GNAI1: variants seen among roughly 807,000 people sequenced by gnomAD.
GNAI1 encodes the protein guanine nucleotide-binding protein G(i) subunit alpha-1.
GNAI1 carries 11 observed loss-of-function variants against 38.9 expected under a neutral mutation model. The ratio of observed to expected loss-of-function variants is 0.28; its 90% confidence interval spans 0.18 to 0.47. The LOEUF (loss-of-function observed/expected upper bound fraction) is 0.47, where lower values mean the gene tolerates loss of function less well. GNAI1 is among the 20% of genes least tolerant of loss of function. The pLI is 0.99. For missense variants in GNAI1, 317 were observed against 436.9 expected (o/e 0.73, Z 2.45); for synonymous variants, 166 against 145.1 (o/e 1.14, Z -1.04).
In GNAI1 at chr7:80,134,992, C is replaced by T; in HGVS notation, c.-169C>T. 2.4e-6 allele frequency: 1 copy of T among 418,002 alleles called. No individual in the cohort carries two copies. The highest frequency in any genetic ancestry group is 4.2e-6 in the Non-Finnish European group (1 of 237,502). The allele number at this position is 418,002 out of a possible 1,614,324, so 25.9% of individuals were successfully genotyped here. ...GGAACAGCCGCCCGTTGCTGTCTGC[C>T]CCTTTGCGGACAGCGTCTCCCTCGA... On this transcript the variant is annotated 5_prime_UTR_variant, in exon 1 of 8. Transcript: ENST00000649796.
intron 1 of GNAI1, among the ~76,000 whole-genome samples, chr7:80,141,163 A>G (rs1001384506): frequency 6.6e-6 from 1 of 152,190 alleles, no homozygotes. Context: ...GGACATATTT[A>G]TCTTTGGGGA....
intron 3 of GNAI1, among the ~76,000 whole-genome samples, chr7:80,194,824 G>C (rs578086701): frequency 2.5e-4 from 38 of 151,998 alleles, no homozygotes; most frequent in African/African-American, 9.2e-4. Context: ...ACATATTGTA[G>C]GCTTTTAATA....
intron 1 of GNAI1, among the ~76,000 whole-genome samples, chr7:80,174,164 A>T (rs898273786): frequency 6.6e-6 from 1 of 152,224 alleles, no homozygotes; most frequent in Non-Finnish European, 1.5e-5. Flanking sequence ...TAAATCATAG[A>T]GATACCATTT....
chr7:80,207,830 A>G (rs879757285), intron 5 of GNAI1, among the ~76,000 whole-genome samples: 33 of 152,144 alleles, frequency 2.2e-4, no homozygotes, highest in Non-Finnish European at 4.1e-4. Flanking sequence ...TTAAGAATTC[A>G]TATTATCCCT....
rs71518978 is a variant in GNAI1, at chr7:80,221,636, CTTTTTT to C, written c.*4163_*4168del. Among the ~76,000 whole-genome samples, 44 of 94,360 alleles carry C rather than the reference CTTTTTT, an allele frequency of 4.7e-4. 1 individual carries two copies. Among genetic ancestry groups the C allele is most frequent in the East Asian group, 1.2e-3 (3 of 2,568 alleles). 61.9% of individuals were successfully genotyped at this position (94,360 alleles called of 152,430 possible). On this transcript the variant is annotated 3_prime_UTR_variant, in exon 8 of 8. Coordinates refer to ENST00000649796, the MANE Select transcript of GNAI1 (RefSeq NM_002069.6). ...ATTTTAATGTTAGGTTGGAAATTTT[CTTTTTT>C]TTTTTTTTTTTTTTTTTTTGGTATG...
At chr7:80,214,415 C>T (rs1584056974) in intron 7 of GNAI1, among the ~76,000 whole-genome samples, 2 of 152,134 alleles carry the variant, frequency 1.3e-5, no homozygotes, top group Non-Finnish European at 2.9e-5. Context: ...GTACCAGATT[C>T]CCCAAGTGAA....
rs1173469591 is a variant in GNAI1, at chr7:80,220,952, G to A, written c.*3459G>A. 6.6e-6 allele frequency among the ~76,000 whole-genome samples: 1 copy of A among 152,104 alleles called. No individual in the cohort carries two copies. Among genetic ancestry groups the A allele is most frequent in the Non-Finnish European group, 1.5e-5 (1 of 68,030 alleles). The stretch of plus-strand genomic sequence containing the variant: ...AGATACTTATTAATGTCTTTCATCA[G>A]AGCTATTTTTTACTCCTTAGATGTG... On this transcript the variant is annotated 3_prime_UTR_variant, in exon 8 of 8. Transcript: ENST00000649796.
chr7:80,177,491 G>A (rs1046021980), intron 1 of GNAI1, among the ~76,000 whole-genome samples: 1 of 152,130 alleles, frequency 6.6e-6, no homozygotes, highest in Non-Finnish European at 1.5e-5. Context: ...TGTTGTTGTT[G>A]CTGTTTTTAG....
rs950446646 is a variant in GNAI1 at position 80,222,239 on chromosome 7, C to T, written c.*4746C>T. On this transcript the variant is annotated 3_prime_UTR_variant, in exon 8 of 8. Transcript: ENST00000649796. ...TGATTAGGCCTCAACTGGAATAGTCCCACCATGTAATAAATCTTCCTGAGT... is the reference window on the plus strand; with the variant it reads ...TGATTAGGCCTCAACTGGAATAGTCTCACCATGTAATAAATCTTCCTGAGT... Among the ~76,000 whole-genome samples the T allele has an allele frequency of 3.9e-5, 6 of 152,040 alleles. No homozygotes were observed. The highest frequency in any genetic ancestry group is 7.4e-5 in the Non-Finnish European group (5 of 68,006).
chr7:80,191,094 T>G (rs1026816208), intron 3 of GNAI1, among the ~76,000 whole-genome samples: 2 of 152,118 alleles, frequency 1.3e-5, no homozygotes, highest in African/African-American at 4.8e-5. Flanking sequence ...CTTCCTGCCT[T>G]TAGACTATTA....
At chr7:80,147,908 T>G (rs2116090421) in intron 1 of GNAI1, among the ~76,000 whole-genome samples, 1 of 152,350 alleles carries the variant, frequency 6.6e-6, no homozygotes, top group Non-Finnish European at 1.5e-5. Flanking sequence ...ATGCCAGTTC[T>G]ATGGCCTGCA....
At chr7:80,145,485 C>G (rs1787603092) in intron 1 of GNAI1, among the ~76,000 whole-genome samples, 1 of 152,126 alleles carries the variant, frequency 6.6e-6, no homozygotes, top group South Asian at 2.1e-4. Flanking sequence ...GTGCTACTTA[C>G]ACATTTTCTA....
At chr7:80,147,642 C>G (rs551212703) in intron 1 of GNAI1, among the ~76,000 whole-genome samples, 1 of 152,324 alleles carries the variant, frequency 6.6e-6, no homozygotes, top group South Asian at 2.1e-4. Context: ...TTCCCCATCA[C>G]TTCAGCTCTT....
intron 4 of GNAI1, among the ~76,000 whole-genome samples, chr7:80,201,585 A>C (rs905955561): frequency 6.6e-6 from 1 of 152,076 alleles, no homozygotes; most frequent in Non-Finnish European, 1.5e-5. Flanking sequence ...TTTAGCCAGC[A>C]TGGTGGCCCA....
intron 5 of GNAI1, among the ~76,000 whole-genome samples, chr7:80,210,595 G>A (rs901463319): frequency 6.6e-5 from 10 of 152,072 alleles, no homozygotes; most frequent in African/African-American, 2.4e-4. Flanking sequence ...TTTGATCTCT[G>A]CATTCCCCAG....
At chr7:80,152,693 T>G (rs1453799946) in intron 1 of GNAI1, among the ~76,000 whole-genome samples, 2 of 151,676 alleles carry the variant, frequency 1.3e-5, no homozygotes, top group African/African-American at 4.8e-5. Flanking sequence ...CCCGAGTAGC[T>G]GGGACTACAG....
intron 3 of GNAI1, among the ~76,000 whole-genome samples, chr7:80,190,538 A>T (rs1314267885): frequency 6.6e-6 from 1 of 152,156 alleles, no homozygotes; most frequent in African/African-American, 2.4e-5. Context: ...TTAAAAGAAC[A>T]TTATAAATTA....
intron 7 of GNAI1, 88 bp from the exon 8 acceptor site, chr7:80,217,215 C>CAGTTTCATATGTATGAAACTGACTTT: frequency 1.2e-6 from 1 of 837,308 alleles, no homozygotes; most frequent in Non-Finnish European, 1.8e-6. Flanking sequence ...AAACTGACTT[C>CAGTTTCATATGTATGAAACTGACTTT]AGTTTCATAT....
In GNAI1 at chr7:80,134,971, C is replaced by A; in HGVS notation, c.-190C>A. On this transcript the variant is annotated 5_prime_UTR_variant, in exon 1 of 8. Transcript: ENST00000649796. ...GGAAGCAGAGCCTGGTCGTGAGGAA[C>A]AGCCGCCCGTTGCTGTCTGCCCCTT... is the stretch of plus-strand genomic sequence containing the variant. 17 of 404,710 alleles carry A rather than the reference C, an allele frequency of 4.2e-5. No homozygotes were observed. The highest frequency in any genetic ancestry group is 5.7e-5 in the Non-Finnish European group (13 of 229,890). 25.1% of individuals were successfully genotyped at this position (404,710 alleles called of 1,614,324 possible).
Sources: gnomAD v4.1 joint callset for allele counts (sites outside exome capture counted in the v4.1 genomes callset) on GRCh38, gnomAD v4.1.1 for gene constraint, MANE v1.5 for transcripts, NCBI Gene and HGNC (gene_info 2026-07-23, HGNC 2026-07-21) for gene names.